ZHX2: variants seen among roughly 807,000 people sequenced by gnomAD.
ZHX2 encodes the protein zinc fingers and homeoboxes 2, also known as zinc fingers and homeoboxes protein 2.
In ZHX2, 6 loss-of-function variants were observed where a neutral mutation model predicts 21.9. The observed-to-expected ratio is 0.27, with a 90% CI of 0.15 to 0.54. The LOEUF (loss-of-function observed/expected upper bound fraction) is 0.54, where lower values mean the gene tolerates loss of function less well. Ranked by LOEUF, ZHX2 falls within the 20% of genes least tolerant of loss-of-function variation. ZHX2 has a pLI of 0.95. For synonymous variants in ZHX2, 434 were observed against 437.1 expected, an observed-to-expected ratio of 0.99 and a Z score of 0.09; for missense variants, 908 against 1,090.7, an observed-to-expected ratio of 0.83 and a Z score of 2.36.
At chr8:122,955,072 G>GT (rs1554589358) in intron 3 of ZHX2, among the ~76,000 whole-genome samples, 1 of 121,524 alleles carries the variant, frequency 8.2e-6, no homozygotes, top group Non-Finnish European at 1.8e-5. Flanking sequence ...CATAAGCCGG[G>GT]GGGGGGGGGG....
chr8:122,961,118 A>G (rs1184697290), intron 3 of ZHX2, among the ~76,000 whole-genome samples: 1 of 152,212 alleles, frequency 6.6e-6, no homozygotes, highest in Non-Finnish European at 1.5e-5. Context: ...AGTTCTGGAG[A>G]CTAGATGTTC....
At chr8:122,858,624 T>C (rs1819087520) in intron 1 of ZHX2, among the ~76,000 whole-genome samples, 1 of 145,946 alleles carries the variant, frequency 6.9e-6, no homozygotes, top group Admixed American at 6.9e-5. Context: ...TAACTCCTTT[T>C]TTTTTCTTTC....
At chr8:122,965,307 C>G (rs1813553494) in intron 3 of ZHX2, among the ~76,000 whole-genome samples, 1 of 152,072 alleles carries the variant, frequency 6.6e-6, no homozygotes. Context: ...TTCCTCTTGG[C>G]ACTGCTTTTG....
At chr8:122,848,609 G>C (rs1818809353) in intron 1 of ZHX2, among the ~76,000 whole-genome samples, 1 of 152,114 alleles carries the variant, frequency 6.6e-6, no homozygotes, top group South Asian at 2.1e-4. Flanking sequence ...GTCCATCTCT[G>C]TTCAAATAAT....
chr8:122,840,791 T>A (rs1245155808), intron 1 of ZHX2, among the ~76,000 whole-genome samples: 1 of 152,200 alleles, frequency 6.6e-6, no homozygotes, highest in East Asian at 1.9e-4. Flanking sequence ...GCTTTATCCT[T>A]TAGAGAACAA....
intron 1 of ZHX2, among the ~76,000 whole-genome samples, chr8:122,814,027 A>G (rs963012506): frequency 4.6e-5 from 7 of 152,206 alleles, no homozygotes; most frequent in African/African-American, 1.7e-4. Context: ...TTGCTTAGTC[A>G]TACTACTGAT....
At chr8:122,857,188 G>A (rs1332724320) in intron 1 of ZHX2, among the ~76,000 whole-genome samples, 8 of 152,082 alleles carry the variant, frequency 5.3e-5, no homozygotes, top group Non-Finnish European at 7.4e-5. Flanking sequence ...TTGAGTTAGC[G>A]CAATAATGTC....
intron 1 of ZHX2, among the ~76,000 whole-genome samples, chr8:122,804,595 C>T (rs926335601): frequency 1.3e-5 from 2 of 152,078 alleles, no homozygotes; most frequent in African/African-American, 4.8e-5. Context: ...ATTGCTAGGC[C>T]GGAGGTATGC....
intron 1 of ZHX2, among the ~76,000 whole-genome samples, chr8:122,796,223 G>C (rs1017022906): frequency 6.6e-6 from 1 of 151,734 alleles, no homozygotes; most frequent in African/African-American, 2.4e-5. Flanking sequence ...GTAGACACTG[G>C]CCCTGTCTTC....
At chr8:122,882,152 C>A (rs2129792636) in intron 2 of ZHX2, among the ~76,000 whole-genome samples, 1 of 152,226 alleles carries the variant, frequency 6.6e-6, no homozygotes, top group East Asian at 1.9e-4. Context: ...TCTTAATCTG[C>A]CCCTGAGATA....
chr8:122,796,650 A>G (rs986730807), intron 1 of ZHX2, among the ~76,000 whole-genome samples: 3 of 152,200 alleles, frequency 2.0e-5, no homozygotes, highest in Admixed American at 6.5e-5. Context: ...AAGTCAGATT[A>G]ACAGAAGACA....
At chr8:122,818,876 T>G (rs1273935016) in intron 1 of ZHX2, among the ~76,000 whole-genome samples, 2 of 152,108 alleles carry the variant, frequency 1.3e-5, no homozygotes, top group Non-Finnish European at 2.9e-5. Context: ...AGATAGAGGA[T>G]GGTGGCTGCT....
chr8:122,834,339 G>A (rs1228368497), intron 1 of ZHX2, among the ~76,000 whole-genome samples: 2 of 152,228 alleles, frequency 1.3e-5, no homozygotes, highest in African/African-American at 4.8e-5. Context: ...GGTCCTTGCT[G>A]GGGCTGCTCA....
Position 122,859,885 on chromosome 8 carries a change from A to C in ZHX2, c.-282-3592A>C, listed in dbSNP as rs186435905. 5.9e-5 allele frequency among the ~76,000 whole-genome samples: 9 copies of C among 152,332 alleles called. No homozygotes were observed. In the East Asian group the frequency reaches 1.7e-3, roughly 29 times the overall value. ...TATGGGTACCCAATGAATTATTGTT[A>C]GATATTTAATATGCTCAACATTTAA... On this transcript the variant is annotated intron_variant, in intron 1 of 3. Transcript: ENST00000314393.
In ZHX2 at chr8:122,802,556, A is replaced by T. The variant is rs1247257827; in HGVS notation, c.-283+20610A>T. On this transcript the variant is annotated intron_variant, in intron 1 of 3. Transcript: ENST00000314393. ...GCCTTTCCACCCAGATTGCCCCCAC[A>T]GAACTGTCATGACGTTTCCGTGGAA... Among the ~76,000 whole-genome samples the T allele has an allele frequency of 3.9e-5, 6 of 152,262 alleles. No individual in the cohort carries two copies. The East Asian group carries it at 9.6e-4, about 24-fold the overall frequency.
At chr8:122,868,162 T>C (rs1819342757) in intron 2 of ZHX2, among the ~76,000 whole-genome samples, 1 of 152,188 alleles carries the variant, frequency 6.6e-6, no homozygotes, top group Admixed American at 6.5e-5. Context: ...ACACAGCAAG[T>C]GTCCACACCT....
chr8:122,806,897 C>A (rs954712847), intron 1 of ZHX2, among the ~76,000 whole-genome samples: 1 of 152,192 alleles, frequency 6.6e-6, no homozygotes, highest in African/African-American at 2.4e-5. Flanking sequence ...GTAATTTTCT[C>A]TAGGTCTGAT....
At chr8:122,957,502 C>A (rs1284002209) in intron 3 of ZHX2, among the ~76,000 whole-genome samples, 1 of 151,868 alleles carries the variant, frequency 6.6e-6, no homozygotes, top group Non-Finnish European at 1.5e-5. Flanking sequence ...GAGTCTTCCT[C>A]TGTGGCCCAG....
At chr8:122,879,833 A>G (rs1819662689) in intron 2 of ZHX2, among the ~76,000 whole-genome samples, 1 of 152,142 alleles carries the variant, frequency 6.6e-6, no homozygotes. Context: ...TCTGGAGAAC[A>G]TCTTGCCTTC....
Sources: gnomAD v4.1 joint callset for allele counts (sites outside exome capture counted in the v4.1 genomes callset) on GRCh38, gnomAD v4.1.1 for gene constraint, MANE v1.5 for transcripts, NCBI Gene and HGNC (gene_info 2026-07-23, HGNC 2026-07-21) for gene names.